Variants in CHLSN observed in about 807,000 individuals in gnomAD.
CHLSN encodes the protein protein cholesin.
At chr7:1,134,646 A>G in the CHLSN span, among the ~76,000 whole-genome samples, 1 of 152,036 alleles carries the variant, frequency 6.6e-6, no homozygotes, top group East Asian at 1.9e-4. Context: ...AGACAGGCAG[A>G]TCACAAGGTC....
chr7:1,087,583 G>A, the CHLSN span, among the ~76,000 whole-genome samples: 1 of 152,148 alleles, frequency 6.6e-6, no homozygotes, highest in South Asian at 2.1e-4. Flanking sequence ...GTGTCACGAC[G>A]CTCCAACAGT....
At chr7:984,414 C>T in the CHLSN span, 1 of 1,547,456 alleles carries the variant, frequency 6.5e-7, no homozygotes, top group East Asian at 2.4e-5. Flanking sequence ...CCTGCCAGCT[C>T]TCAGAACGCT....
chr7:1,136,115 C>CATATAT, the CHLSN span, among the ~76,000 whole-genome samples: 1 of 74,136 alleles, frequency 1.3e-5, no homozygotes, highest in African/African-American at 5.5e-5. Flanking sequence ...AATATATATA[C>CATATAT]ATAAATATAT....
the CHLSN span, among the ~76,000 whole-genome samples, chr7:1,134,412 A>G: frequency 6.7e-6 from 1 of 148,562 alleles, no homozygotes; most frequent in African/African-American, 2.5e-5. Context: ...CATCTCTACT[A>G]AAAATACAAA....
chr7:1,006,736 G>A, the CHLSN span, among the ~76,000 whole-genome samples: 1 of 151,230 alleles, frequency 6.6e-6, no homozygotes, highest in South Asian at 2.1e-4. Context: ...CGCAGACAAA[G>A]AGCGCACGAT....
chr7:1,093,020 G>T, the CHLSN span: 1 of 740,884 alleles, frequency 1.3e-6, no homozygotes, highest in Non-Finnish European at 2.4e-6. Flanking sequence ...CCCTGGGGCT[G>T]CTTAGGAAAC....
the CHLSN span, chr7:1,092,463 C>CCGGCA: frequency 6.2e-7 from 1 of 1,608,114 alleles, no homozygotes; most frequent in Non-Finnish European, 8.5e-7. Flanking sequence ...TCAGGGCGCA[C>CCGGCA]CGGCACCGTG....
the CHLSN span, chr7:1,028,520 G>T: frequency 1.0e-6 from 1 of 985,166 alleles, no homozygotes; most frequent in Non-Finnish European, 1.2e-6. Context: ...CCCTGCTGCA[G>T]CCCCCACTGC....
chr7:1,073,096 C>G, the CHLSN span, among the ~76,000 whole-genome samples: 1 of 152,118 alleles, frequency 6.6e-6, no homozygotes, highest in Non-Finnish European at 1.5e-5. Context: ...CTAGAAGGAT[C>G]TGAAAATGTC....
chr7:1,136,439 TATAA>T, the CHLSN span, among the ~76,000 whole-genome samples: 46 of 122,000 alleles, frequency 3.8e-4, 2 homozygotes, highest in Admixed American at 1.0e-3. Context: ...TAAACATATA[TATAA>T]ATATATATAA....
chr7:1,064,179 G>A, the CHLSN span, among the ~76,000 whole-genome samples: 2 of 152,092 alleles, frequency 1.3e-5, no homozygotes, highest in African/African-American at 2.4e-5. Context: ...TCCTCCCCGG[G>A]AACACCGTGA....
At chr7:1,114,598 G>A in the CHLSN span, among the ~76,000 whole-genome samples, 2 of 152,238 alleles carry the variant, frequency 1.3e-5, no homozygotes, top group Non-Finnish European at 2.9e-5. Flanking sequence ...TGATGGGCGC[G>A]GGGCCCAAGG....
At chr7:1,068,469 C>G in the CHLSN span, among the ~76,000 whole-genome samples, 2 of 152,138 alleles carry the variant, frequency 1.3e-5, no homozygotes. Context: ...TGGACACTCG[C>G]CCTCCACAGT....
chr7:1,070,023 C>T, the CHLSN span, among the ~76,000 whole-genome samples: 8 of 110,546 alleles, frequency 7.2e-5, 1 homozygote, highest in East Asian at 2.3e-4. Flanking sequence ...ATGTGAGGAG[C>T]GCCTCTGCCC....
chr7:1,023,957 C>T, the CHLSN span, among the ~76,000 whole-genome samples: 18,138 of 152,256 alleles, frequency 0.12, 1,242 homozygotes, highest in Middle Eastern at 0.21. This position sits in a 1 kb window ranked among gnomAD's most constrained non-coding sequence, Gnocchi z 5.0. Flanking sequence ...CCTCCCACCT[C>T]AGCCTCCCAA....
the CHLSN span, among the ~76,000 whole-genome samples, chr7:1,086,214 G>A: frequency 6.6e-6 from 1 of 152,272 alleles, no homozygotes; most frequent in Non-Finnish European, 1.5e-5. Flanking sequence ...GAAGCCATGG[G>A]TTTGCACTAG....
the CHLSN span, among the ~76,000 whole-genome samples, chr7:1,069,087 C>T: frequency 6.6e-6 from 1 of 152,184 alleles, no homozygotes; most frequent in Non-Finnish European, 1.5e-5. Context: ...AATCCCAGCA[C>T]TTTGGGAGGC....
chr7:1,085,545 G>A, the CHLSN span, among the ~76,000 whole-genome samples: 7 of 152,110 alleles, frequency 4.6e-5, no homozygotes, highest in Non-Finnish European at 8.8e-5. Context: ...GCAGAGCACC[G>A]CACAGCGCCC....
chr7:1,046,492 C>G, the CHLSN span, among the ~76,000 whole-genome samples: 2 of 152,230 alleles, frequency 1.3e-5, no homozygotes, highest in African/African-American at 4.8e-5. Context: ...TAGCCCACAT[C>G]TGTCCAGGGG....
Sources: allele counts gnomAD v4.1 joint callset (sites outside exome capture counted in the v4.1 genomes callset), GRCh38; gene constraint gnomAD v4.1.1; non-coding constraint Gnocchi (gnomAD v3.1); transcripts MANE v1.5; gene names NCBI Gene and HGNC (gene_info 2026-07-23, HGNC 2026-07-21).